ACKR3: variants seen among roughly 807,000 people sequenced by gnomAD.
ACKR3 encodes the protein atypical chemokine receptor 3, also known as C-X-C chemokine receptor type 7.
ACKR3 carries 6 observed loss-of-function variants against 22.4 expected under a neutral mutation model. The observed-to-expected ratio is 0.27, with a 90% confidence interval of 0.15 to 0.53. The LOEUF (loss-of-function observed/expected upper bound fraction) is 0.53. Ranked by LOEUF, ACKR3 falls within the 20% of genes least tolerant of loss-of-function variation. ACKR3 has a pLI of 0.96. For synonymous variants in ACKR3, 209 were observed against 205.2 expected (o/e 1.02, Z -0.16); for missense variants, 396 against 475.2 (o/e 0.83, Z 1.55).
the ACKR3 span, among the ~76,000 whole-genome samples, chr2:236,552,260 G>A: frequency 6.6e-6 from 1 of 152,298 alleles, no homozygotes; most frequent in Middle Eastern, 3.4e-3. Flanking sequence ...ACTTCTCAAT[G>A]TGTCCTCCGG....
In ACKR3 at chr2:236,581,383, G is replaced by C; in HGVS notation, c.918G>C (p.Val306=). ...ALHVTQCLSL[V]HCCVNPVLYS... ...ATGTCACACAGTGCCTGTCGCTGGT[G>C]CACTGCTGCGTCAACCCTGTCCTCT... The change falls in exon 2 of 2, where the codon GTG becomes GTC. Residue 306 remains valine, a synonymous_variant. Transcript: ENST00000272928. This position sits in a 1 kb window ranked among gnomAD's most constrained non-coding sequence, Gnocchi z 4.4. 6.2e-7 allele frequency: 1 copy of C among 1,614,084 alleles called. No individual in the cohort carries two copies. Among genetic ancestry groups the C allele is most frequent in the Non-Finnish European group, 8.5e-7 (1 of 1,180,046 alleles).
the ACKR3 span, among the ~76,000 whole-genome samples, chr2:236,548,295 G>T: frequency 6.6e-6 from 1 of 152,072 alleles, no homozygotes. This position sits in a 1 kb window ranked among gnomAD's most constrained non-coding sequence, Gnocchi z 4.3. Context: ...GGTTGAGAAT[G>T]CCTCTCCCAG....
At chr2:236,557,582 A>C in the ACKR3 span, among the ~76,000 whole-genome samples, 4 of 152,256 alleles carry the variant, frequency 2.6e-5, no homozygotes, top group Admixed American at 1.3e-4. Context: ...AAATACTGAG[A>C]GTAATGGATT....
chr2:236,543,545 A>G, the ACKR3 span, among the ~76,000 whole-genome samples: 1 of 152,154 alleles, frequency 6.6e-6, no homozygotes, highest in Non-Finnish European at 1.5e-5. Context: ...GTGAGTCCCA[A>G]TCCCACCCCC....
At chr2:236,538,484 A>AC in the ACKR3 span, among the ~76,000 whole-genome samples, 1 of 152,110 alleles carries the variant, frequency 6.6e-6, no homozygotes, top group Non-Finnish European at 1.5e-5. Flanking sequence ...AAGACTTGCC[A>AC]CCCCCACCCT....
upstream of ACKR3, among the ~76,000 whole-genome samples, chr2:236,567,098 G>A (rs1691201930): frequency 6.6e-6 from 1 of 152,018 alleles, no homozygotes; most frequent in South Asian, 2.1e-4. Flanking sequence ...TCCGCCTCCC[G>A]GGTTCAAGCG....
the ACKR3 span, among the ~76,000 whole-genome samples, chr2:236,542,710 C>T: frequency 2.6e-5 from 4 of 151,998 alleles, no homozygotes; most frequent in African/African-American, 7.3e-5. Context: ...AAAATTACTA[C>T]CCCTCTTTAT....
rs547816570 is a variant in ACKR3 at position 236,577,313 on chromosome 2, AG to A, written c.-26-3126del. Among the ~76,000 whole-genome samples, 3 of 152,200 alleles carry A rather than the reference AG, an allele frequency of 2.0e-5. No individual in the cohort carries two copies. The South Asian group carries it at 6.2e-4, about 32-fold the overall frequency. On this transcript the variant is annotated intron_variant, in intron 1 of 1. Coordinates refer to ENST00000272928, the MANE Select transcript of ACKR3 (RefSeq NM_020311.3). This position sits in a 1 kb window ranked among gnomAD's most constrained non-coding sequence, Gnocchi z 5.6. ...AGAGGCGAGGACGGCTGAGCGGGGA[AG>A]TGCCTATCTCAGAAATACTGTTTTT...
At chr2:236,575,623 C>G (rs1414582261) in intron 1 of ACKR3, among the ~76,000 whole-genome samples, 16 of 88,514 alleles carry the variant, frequency 1.8e-4, no homozygotes, top group African/African-American at 5.2e-4. Context: ...GTGTGTGTGT[C>G]TGGGGTTGTG....
intron 1 of ACKR3, among the ~76,000 whole-genome samples, chr2:236,579,131 C>T (rs757400233): frequency 3.3e-5 from 5 of 152,186 alleles, no homozygotes; most frequent in Admixed American, 1.3e-4. Flanking sequence ...TCGGAGTGGG[C>T]GGCTTCCCAG....
In ACKR3 at chr2:236,581,372, C is replaced by T; in HGVS notation, c.907C>T (p.Leu303=). ...CACGGCCCTGCATGTCACACAGTGC[C>T]TGTCGCTGGTGCACTGCTGCGTCAA... ...LFTALHVTQC[L]SLVHCCVNPV... Residue 303 remains leucine, a synonymous_variant, in exon 2 of 2, where the codon CTG becomes TTG. Transcript: ENST00000272928. The surrounding 1 kb of genome is among the most constrained non-coding windows in gnomAD (Gnocchi z 4.4). The T allele has an allele frequency of 6.2e-7, 1 of 1,614,118 alleles. No individual in the cohort carries two copies. Among genetic ancestry groups the T allele is most frequent in the Non-Finnish European group, 8.5e-7 (1 of 1,180,046 alleles).
At chr2:236,561,020 T>C in the ACKR3 span, among the ~76,000 whole-genome samples, 3 of 152,220 alleles carry the variant, frequency 2.0e-5, no homozygotes, top group Non-Finnish European at 4.4e-5. Flanking sequence ...TGAATGAAAC[T>C]TGACATTTTG....
the ACKR3 span, among the ~76,000 whole-genome samples, chr2:236,550,252 C>T: frequency 2.0e-5 from 3 of 152,190 alleles, no homozygotes. This position sits in a 1 kb window ranked among gnomAD's most constrained non-coding sequence, Gnocchi z 4.6. Flanking sequence ...CCCTGGTGTC[C>T]ACTGGACACG....
chr2:236,553,241 C>T, the ACKR3 span, among the ~76,000 whole-genome samples: 3 of 152,128 alleles, frequency 2.0e-5, no homozygotes, highest in East Asian at 3.9e-4. Context: ...CACTCCGAAG[C>T]CAGAGGCCCC....
At chr2:236,546,119 C>T in the ACKR3 span, among the ~76,000 whole-genome samples, 2 of 152,272 alleles carry the variant, frequency 1.3e-5, no homozygotes, top group South Asian at 4.1e-4. The surrounding 1 kb of genome is among the most constrained non-coding windows in gnomAD (Gnocchi z 4.9). Context: ...TGCTCCCGTA[C>T]CAGAATTTTC....
the ACKR3 span, among the ~76,000 whole-genome samples, chr2:236,543,941 GTATA>G: frequency 0.019 from 1,087 of 57,330 alleles, 36 homozygotes; most frequent in Middle Eastern, 0.034. Context: ...TGGGAGAAGG[GTATA>G]TATATATATA....
chr2:236,543,868 C>T, the ACKR3 span, among the ~76,000 whole-genome samples: 1 of 144,306 alleles, frequency 6.9e-6, no homozygotes, highest in South Asian at 2.2e-4. Flanking sequence ...ATCGTTATAT[C>T]CACGAATTGA....
the ACKR3 span, among the ~76,000 whole-genome samples, chr2:236,543,031 G>A: frequency 7.0e-6 from 1 of 143,786 alleles, no homozygotes; most frequent in East Asian, 2.0e-4. Context: ...TGGAAGACTG[G>A]GAAATAAAGC....
the ACKR3 span, among the ~76,000 whole-genome samples, chr2:236,547,928 T>C: frequency 7.4e-6 from 1 of 134,562 alleles, no homozygotes; most frequent in Non-Finnish European, 1.5e-5. Flanking sequence ...TGAGGATTTG[T>C]GTCTTTCATC....
Sources: allele counts gnomAD v4.1 joint callset (sites outside exome capture counted in the v4.1 genomes callset), GRCh38; gene constraint gnomAD v4.1.1; non-coding constraint Gnocchi (gnomAD v3.1); transcripts MANE v1.5; gene names NCBI Gene and HGNC (gene_info 2026-07-23, HGNC 2026-07-21).